The following ANO2 variants were observed in gnomAD, a reference collection of about 807,000 sequenced individuals.
ANO2 encodes anoctamin 2, also known as anoctamin-2.
Under a neutral mutation model 124.2 loss-of-function variants are expected in ANO2, and 101 were observed. That is an observed-to-expected ratio of 0.81 (90% CI 0.69 to 0.96). The LOEUF is 0.96. Ranked by LOEUF, ANO2 falls within the 40% of genes least tolerant of loss-of-function variation. ANO2 has a pLI of 0.00. For missense variants in ANO2, 1,293 were observed against 1,274.5 expected (o/e 1.01, Z -0.22); for synonymous variants, 486 against 482.5 (o/e 1.01, Z -0.09).
At position 5,796,841 on chromosome 12, in the gene ANO2, G is replaced by A. The variant is rs532487523; in HGVS notation, c.1055+2666C>T. Reference sequence around the variant, plus strand: ...CGGAAGGGGAAGGAGAGCTAGTTCCGGGGCCTTCCACATACAAACAGGTCT... The same window carrying A: ...CGGAAGGGGAAGGAGAGCTAGTTCCAGGGCCTTCCACATACAAACAGGTCT... On this transcript the variant is annotated intron_variant, in intron 10 of 24. Coordinates refer to ENST00000682330, the MANE Select transcript of ANO2 (RefSeq NM_001364791.2). Among the ~76,000 whole-genome samples, 18 of 152,266 alleles carry A rather than the reference G, an allele frequency of 1.2e-4. No individual in the cohort carries two copies. In the South Asian group the frequency reaches 3.3e-3, roughly 28 times the overall value.
intron 14 of ANO2, among the ~76,000 whole-genome samples, chr12:5,654,743 A>G (rs1947074143): frequency 6.6e-6 from 1 of 152,028 alleles, no homozygotes; most frequent in Non-Finnish European, 1.5e-5. Context: ...GATATTTGGA[A>G]CTCTTCACTT....
chr12:5,647,739 G>C lies in ANO2; in HGVS notation c.1608C>G (p.Ser536=). The C allele has an allele frequency of 1.2e-6, 2 of 1,609,876 alleles. No homozygotes were observed. The highest frequency in any genetic ancestry group is 4.5e-5 in the East Asian group (2 of 44,782). The change falls in exon 15 of 25, where the codon TCC becomes TCG. Residue 536 remains serine (S), a synonymous_variant. Transcript: ENST00000682330. ...TCAAGGAAATTACCATGAATAAGAT[G>C]GAGGCAAAGTTCATCAGGTAACCTG... ...RFPGYLMNFA[S]ILFMIALTFS... is the part of the protein sequence containing the mutation.
At chr12:5,640,448 A>C (rs1480795218) in intron 15 of ANO2, among the ~76,000 whole-genome samples, 1 of 152,226 alleles carries the variant, frequency 6.6e-6, no homozygotes, top group Admixed American at 6.5e-5. Flanking sequence ...GGCAACCTAC[A>C]GAATGGGAGG....
intron 23 of ANO2, among the ~76,000 whole-genome samples, chr12:5,568,841 T>C (rs1255484655): frequency 6.6e-6 from 1 of 152,202 alleles, no homozygotes. Flanking sequence ...GCAAGTTACC[T>C]AACCTTCTGA....
intron 14 of ANO2, among the ~76,000 whole-genome samples, chr12:5,665,057 A>G (rs1232290232): frequency 6.6e-6 from 1 of 152,048 alleles, no homozygotes; most frequent in Non-Finnish European, 1.5e-5. Flanking sequence ...TTTGACCTTA[A>G]GCCAACCAAT....
chr12:5,601,436 T>TA (rs1240392430), intron 19 of ANO2, among the ~76,000 whole-genome samples: 1 of 151,464 alleles, frequency 6.6e-6, no homozygotes, highest in African/African-American at 2.4e-5. Context: ...TCTGTGATAA[T>TA]AAAAAATTGA....
Position 5,908,049 on chromosome 12 carries a change from C to T in ANO2, c.534+12991G>A, listed in dbSNP as rs950627530. Among the ~76,000 whole-genome samples the T allele has an allele frequency of 3.3e-5, 5 of 152,264 alleles. No homozygotes were observed. Among genetic ancestry groups the T allele is most frequent in the African/African-American group, 9.6e-5 (4 of 41,470 alleles). On this transcript the variant is annotated intron_variant, in intron 3 of 24. Transcript: ENST00000682330. The surrounding 1 kb of genome is among the most constrained non-coding windows in gnomAD (Gnocchi z 4.7). ...CATAGCAACACACACAAACTCGTAA[C>T]CACGCACGGGCAGCGTGTGCAGGGA...
At position 5,900,421 on chromosome 12, in the gene ANO2, A is replaced by T. The variant is rs771169351; in HGVS notation, c.534+20619T>A. On this transcript the variant is annotated intron_variant, in intron 3 of 24. Transcript: ENST00000682330. The surrounding 1 kb of genome is among the most constrained non-coding windows in gnomAD (Gnocchi z 4.2). ...CCATCTAGAGGGCAGAGGACAATTT[A>T]AAAATGCATTTGTGAATTTGAGTAT... Among the ~76,000 whole-genome samples the T allele has an allele frequency of 1.3e-5, 2 of 152,202 alleles. No individual in the cohort carries two copies. Among genetic ancestry groups the T allele is most frequent in the Non-Finnish European group, 2.9e-5 (2 of 68,026 alleles).
At chr12:5,825,452 C>A (rs945407771) in intron 7 of ANO2, among the ~76,000 whole-genome samples, 3 of 152,198 alleles carry the variant, frequency 2.0e-5, no homozygotes, top group Non-Finnish European at 4.4e-5. Context: ...ACCATCGCCC[C>A]TAGTGATCCA....
At chr12:5,752,314 G>A (rs982899152) in intron 10 of ANO2, among the ~76,000 whole-genome samples, 1 of 152,102 alleles carries the variant, frequency 6.6e-6, no homozygotes, top group Non-Finnish European at 1.5e-5. Context: ...CACAGTGACC[G>A]CATTGCCACC....
At chr12:5,848,117 A>G (rs1196977149) in intron 4 of ANO2, among the ~76,000 whole-genome samples, 1 of 152,224 alleles carries the variant, frequency 6.6e-6, no homozygotes, top group Non-Finnish European at 1.5e-5. Context: ...CATGAAGAAC[A>G]TTGCAGAAGC....
chr12:5,579,072 C>A (rs924791896), intron 20 of ANO2, among the ~76,000 whole-genome samples: 9 of 152,240 alleles, frequency 5.9e-5, no homozygotes, highest in Non-Finnish European at 1.5e-5. Flanking sequence ...GCTTTAAAAA[C>A]CACCTCCCAG....
chr12:5,912,817 C>T (rs191898396), intron 3 of ANO2, among the ~76,000 whole-genome samples: 4 of 152,214 alleles, frequency 2.6e-5, no homozygotes, highest in African/African-American at 4.8e-5. Flanking sequence ...GGGAAATCAT[C>T]GCATCTTCCC....
chr12:5,642,393 G>A (rs1423772049), intron 15 of ANO2, among the ~76,000 whole-genome samples: 5 of 152,148 alleles, frequency 3.3e-5, no homozygotes, highest in African/African-American at 4.8e-5. Context: ...AGGAATAACT[G>A]GCAGATTTTG....
chr12:5,841,323 C>T (rs1366036773), intron 4 of ANO2, among the ~76,000 whole-genome samples: 3 of 152,218 alleles, frequency 2.0e-5, no homozygotes, highest in Non-Finnish European at 2.9e-5. Flanking sequence ...CATTCCCCTC[C>T]ACCCCACCTG....
chr12:5,587,823 T>C (rs1024829380), intron 20 of ANO2, among the ~76,000 whole-genome samples: 2 of 152,042 alleles, frequency 1.3e-5, no homozygotes, highest in Non-Finnish European at 2.9e-5. Flanking sequence ...CCCACCCCCA[T>C]GCACCTCCTC....
chr12:5,857,422 C>CTCA, intron 3 of ANO2, among the ~76,000 whole-genome samples: 1 of 152,334 alleles, frequency 6.6e-6, no homozygotes, highest in East Asian at 1.9e-4. Context: ...ATGCCAGTCC[C>CTCA]ATTTTTCGTT....
At chr12:5,715,771 CA>C (rs1323416442) in intron 14 of ANO2, among the ~76,000 whole-genome samples, 5 of 152,144 alleles carry the variant, frequency 3.3e-5, no homozygotes, top group Non-Finnish European at 7.3e-5. Flanking sequence ...AAAGCATGGG[CA>C]AAGAGGAACC....
intron 9 of ANO2, among the ~76,000 whole-genome samples, chr12:5,801,733 G>A (rs1324353522): frequency 6.6e-6 from 1 of 152,174 alleles, no homozygotes; most frequent in Non-Finnish European, 1.5e-5. Context: ...ATACAAAAGG[G>A]GTCACTCAGT....
Sources: gnomAD v4.1 joint callset for allele counts (sites outside exome capture counted in the v4.1 genomes callset) on GRCh38, gnomAD v4.1.1 for gene constraint, Gnocchi (gnomAD v3.1) non-coding constraint, MANE v1.5 for transcripts, NCBI Gene and HGNC (gene_info 2026-07-23, HGNC 2026-07-21) for gene names.